RAD51B: variants seen among roughly 807,000 people sequenced by gnomAD.
RAD51B encodes the protein DNA repair protein RAD51 homolog 2.
RAD51B carries 38 observed loss-of-function variants against 42.2 expected under a neutral mutation model. That is an observed-to-expected ratio of 0.90 (90% confidence interval 0.70 to 1.18). The LOEUF (loss-of-function observed/expected upper bound fraction) is 1.18. Among genes scored for constraint, RAD51B ranks in the 50% most tolerant of loss-of-function variants. The probability of loss-of-function intolerance (pLI) is 0.00; values close to 1 mark genes in which losing one functional copy is unlikely to be tolerated. For synonymous variants in RAD51B, 154 were observed against 145.2 expected, an observed-to-expected ratio of 1.06 and a Z score of -0.43; for missense variants, 373 against 400.7, an observed-to-expected ratio of 0.93 and a Z score of 0.59.
chr14:68,587,661 G>A lies in RAD51B; in HGVS notation c.1037-6824G>A, dbSNP rs577854697. Among the ~76,000 whole-genome samples, 8 of 151,562 alleles carry A rather than the reference G, an allele frequency of 5.3e-5. No homozygotes were observed. In the East Asian group the frequency reaches 9.8e-4, roughly 18 times the overall value. ...CCGTATCAAGTCCTACCCCAGTCCC[G>A]CAGAGCAGCTTCTTCCTCCACAGCT... On this transcript the variant is annotated intron_variant, in intron 10 of 10. Coordinates refer to the RAD51B transcript ENST00000487270.
At chr14:68,178,366 T>A (rs1389016381) in intron 7 of RAD51B, among the ~76,000 whole-genome samples, 1 of 152,192 alleles carries the variant, frequency 6.6e-6, no homozygotes. Flanking sequence ...TTACAGTGTG[T>A]TATGCATACT....
intron 7 of RAD51B, among the ~76,000 whole-genome samples, chr14:68,138,965 G>A (rs555199662): frequency 7.2e-5 from 11 of 152,010 alleles, no homozygotes; most frequent in Non-Finnish European, 1.3e-4. Flanking sequence ...TGTTATCTGT[G>A]GATGCCATAT....
intron 7 of RAD51B, among the ~76,000 whole-genome samples, chr14:68,245,976 G>GAT (rs981395571): frequency 6.6e-6 from 1 of 150,978 alleles, no homozygotes; most frequent in African/African-American, 2.4e-5. Context: ...AAATGAATGA[G>GAT]ATACAACAAG....
chr14:67,985,882 C>T (rs1367031122), intron 7 of RAD51B, among the ~76,000 whole-genome samples: 1 of 152,036 alleles, frequency 6.6e-6, no homozygotes, highest in Admixed American at 6.6e-5. Context: ...TGCACTCCAG[C>T]CTGGGCAGTA....
intron 8 of RAD51B, among the ~76,000 whole-genome samples, chr14:68,364,501 G>A (rs2083100352): frequency 6.6e-6 from 1 of 152,072 alleles, no homozygotes; most frequent in Non-Finnish European, 1.5e-5. Context: ...GCCGGGCGCG[G>A]TGGAGGGCTC....
rs149486441 is a variant in RAD51B, at chr14:68,379,652, G to A, written c.854-31772G>A. ...GGAAGGTAGAATGGAGGGTAGAAAA[G>A]TTGGTGGGAAGACAATTTCTGTGGT... On this transcript the variant is annotated intron_variant, in intron 8 of 10. Transcript: ENST00000471583. Among the ~76,000 whole-genome samples the A allele has an allele frequency of 1.9e-3, 293 of 152,366 alleles. 1 individual carries two copies. The highest frequency in any genetic ancestry group is 6.9e-3 in the African/African-American group (286 of 41,586).
intron 10 of RAD51B, 28 bp from the exon 11 acceptor site, chr14:68,477,620 C>T (rs763944620): frequency 6.9e-6 from 11 of 1,588,976 alleles, no homozygotes; most frequent in Admixed American, 5.4e-5. Context: ...TTTTTTCAAA[C>T]TTTCTCTTTT....
At chr14:68,354,015 TC>T (rs2082843459) in intron 8 of RAD51B, among the ~76,000 whole-genome samples, 2 of 152,242 alleles carry the variant, frequency 1.3e-5, no homozygotes, top group South Asian at 4.1e-4. Context: ...CATCACCACT[TC>T]CATGAAACAA....
intron 7 of RAD51B, chr14:68,000,134 TA>T (rs2075454132): frequency 6.6e-6 from 1 of 152,194 alleles, no homozygotes; most frequent in Admixed American, 6.5e-5. Context: ...TTGCCATGAC[TA>T]ATAAATTTGG....
At chr14:68,397,718 C>A (rs1468591599) in intron 8 of RAD51B, among the ~76,000 whole-genome samples, 1 of 152,148 alleles carries the variant, frequency 6.6e-6, no homozygotes, top group East Asian at 1.9e-4. Context: ...GTAGCAGCTT[C>A]CCTCAGCCTT....
chr14:68,657,221 G>A (rs1238239419), intron 11 of RAD51B, among the ~76,000 whole-genome samples: 16 of 151,312 alleles, frequency 1.1e-4, no homozygotes, highest in Admixed American at 9.9e-4. Flanking sequence ...GTCTCGCGGT[G>A]GGGGGAATGC....
chr14:68,003,225 C>T (rs1017276760), intron 7 of RAD51B, among the ~76,000 whole-genome samples: 1 of 152,114 alleles, frequency 6.6e-6, no homozygotes, highest in Non-Finnish European at 1.5e-5. Context: ...TTATAGTTCT[C>T]CTTGAAGAGG....
At chr14:68,429,719 G>A (rs1349008445) in intron 9 of RAD51B, among the ~76,000 whole-genome samples, 3 of 152,162 alleles carry the variant, frequency 2.0e-5, no homozygotes, top group Non-Finnish European at 2.9e-5. Flanking sequence ...TCTGATGGTA[G>A]TTTCTTTTGC....
At chr14:68,464,576 A>T (rs2085927061) in intron 9 of RAD51B, among the ~76,000 whole-genome samples, 1 of 152,354 alleles carries the variant, frequency 6.6e-6, no homozygotes, top group Admixed American at 6.5e-5. Flanking sequence ...TGTACATTCT[A>T]CTAGAGGTTG....
Position 68,306,789 on chromosome 14 carries a change from G to A in RAD51B, c.853+14809G>A, listed in dbSNP as rs548692609. 6.6e-5 allele frequency among the ~76,000 whole-genome samples: 10 copies of A among 152,336 alleles called. No individual in the cohort carries two copies. In the South Asian group the frequency reaches 2.1e-3, roughly 32 times the overall value. ...AGATTCCAGTGGGAAAGACCTGGTA[G>A]AGAAAGAGTGGGAGAATGCGTTGAC... On this transcript the variant is annotated intron_variant, in intron 8 of 10. Transcript: ENST00000471583.
intron 7 of RAD51B, among the ~76,000 whole-genome samples, chr14:68,125,927 A>T (rs1440206669): frequency 6.6e-6 from 1 of 152,168 alleles, no homozygotes; most frequent in Admixed American, 6.5e-5. Context: ...GGATCACATG[A>T]AAACAGAGTC....
intron 7 of RAD51B, among the ~76,000 whole-genome samples, chr14:68,159,940 G>C (rs1030388111): frequency 6.6e-6 from 1 of 151,934 alleles, no homozygotes; most frequent in Non-Finnish European, 1.5e-5. Context: ...AATTTTTAGA[G>C]ACACAGATCA....
intron 8 of RAD51B, among the ~76,000 whole-genome samples, chr14:68,381,007 T>C (rs1297424000): frequency 6.6e-6 from 1 of 152,264 alleles, no homozygotes. Context: ...GAGCAGAATA[T>C]AGAGCCATGA....
intron 7 of RAD51B, among the ~76,000 whole-genome samples, chr14:68,173,456 A>G (rs2078910540): frequency 6.6e-6 from 1 of 152,220 alleles, no homozygotes; most frequent in Non-Finnish European, 1.5e-5. Context: ...TAAGTGGGGA[A>G]TTAACTTTTG....
Sources: gnomAD v4.1 joint callset for allele counts (sites outside exome capture counted in the v4.1 genomes callset) on GRCh38, gnomAD v4.1.1 for gene constraint, MANE v1.5 for transcripts, NCBI Gene and HGNC (gene_info 2026-07-23, HGNC 2026-07-21) for gene names.